The following FBXO34 variants were observed in gnomAD, a reference collection of about 807,000 sequenced individuals.
FBXO34 encodes the protein F-box protein 34, also known as F-box only protein 34.
A neutral mutation model predicts 24.5 loss-of-function variants in FBXO34; 12 were observed. The ratio of observed to expected loss-of-function variants is 0.49; its 90% CI spans 0.31 to 0.79. The LOEUF (loss-of-function observed/expected upper bound fraction) is 0.79. Ranked by LOEUF, FBXO34 falls within the 30% of genes least tolerant of loss-of-function variation. The probability of loss-of-function intolerance (pLI) is 0.04; values close to 1 mark genes in which losing one functional copy is unlikely to be tolerated. For missense variants in FBXO34, 823 were observed against 857.7 expected, an observed-to-expected ratio of 0.96 and a Z score of 0.51; for synonymous variants, 320 against 311.9, an observed-to-expected ratio of 1.03 and a Z score of -0.27.
intron 1 of FBXO34, among the ~76,000 whole-genome samples, chr14:55,280,220 G>T (rs1881485808): frequency 1.3e-5 from 2 of 152,066 alleles, no homozygotes; most frequent in South Asian, 4.1e-4. Context: ...TAAAAAATGG[G>T]AATGGGAGAA....
chr14:55,317,604 G>A (rs1181927395), intron 1 of FBXO34, among the ~76,000 whole-genome samples: 2 of 152,188 alleles, frequency 1.3e-5, no homozygotes, highest in African/African-American at 2.4e-5. Flanking sequence ...GTGAAATACT[G>A]TATAGTAATA....
chr14:55,402,955 ATATATATATATAT>A, the FBXO34 span, among the ~76,000 whole-genome samples: 2,058 of 77,658 alleles, frequency 0.027, 50 homozygotes, highest in Non-Finnish European at 0.042. Context: ...ATATATATAT[ATATATATATATAT>A]AAATAGCTGG....
intron 1 of FBXO34, among the ~76,000 whole-genome samples, chr14:55,280,988 A>AAATATTT (rs1245332641): frequency 6.6e-6 from 1 of 152,186 alleles, no homozygotes; most frequent in Non-Finnish European, 1.5e-5. Flanking sequence ...AACAGGTGAA[A>AAATATTT]AATATTTAAA....
Position 55,330,305 on chromosome 14 carries a change from C to G in FBXO34, c.-10-20076C>G, listed in dbSNP as rs1385350270. On this transcript the variant is annotated intron_variant, in intron 1 of 1. Transcript: ENST00000313833. ...GAATGGTTTGAGCACACACCAGGAT[C>G]AGATTCAGTTTCAAAAAGATCTTTC... Among the ~76,000 whole-genome samples, 3 of 152,142 alleles carry G rather than the reference C, an allele frequency of 2.0e-5. No homozygotes were observed. In the East Asian group the frequency reaches 5.8e-4, roughly 29 times the overall value.
intron 1 of FBXO34, among the ~76,000 whole-genome samples, chr14:55,301,412 G>A (rs1167484125): frequency 6.6e-6 from 1 of 151,688 alleles, no homozygotes; most frequent in African/African-American, 2.4e-5. Context: ...ACTCTAGCCT[G>A]GGTGACAAAG....
rs1026262531 is a variant in FBXO34 at position 55,351,890 on chromosome 14, C to T, written c.1500C>T (p.Ser500=). The change falls in exon 2 of 2, where the codon AGC becomes AGT. Residue 500 remains serine (S), a synonymous_variant. Coordinates refer to ENST00000313833, the MANE Select transcript of FBXO34 (RefSeq NM_017943.4). Reference sequence around the variant, plus strand: ...CAGACTATTCCCAGTTGAATGAAAGCACAACAAAAGAGTCTTCAGAGGCCA... The same window carrying T: ...CAGACTATTCCCAGTTGAATGAAAGTACAACAAAAGAGTCTTCAGAGGCCA... The part of the protein sequence containing the change: ...HLSDYSQLNE[S]TTKESSEASQ... 2.5e-6 allele frequency: 4 copies of T among 1,614,126 alleles called. No individual in the cohort carries two copies. The highest frequency in any genetic ancestry group is 3.4e-6 in the Non-Finnish European group (4 of 1,180,028).
chr14:55,321,846 C>G (rs1242718985), intron 1 of FBXO34, among the ~76,000 whole-genome samples: 1 of 152,218 alleles, frequency 6.6e-6, no homozygotes, highest in African/African-American at 2.4e-5. Flanking sequence ...GTCAAAAATA[C>G]TCATCTTTAG....
the FBXO34 span, among the ~76,000 whole-genome samples, chr14:55,394,393 T>G: frequency 6.6e-6 from 1 of 152,294 alleles, no homozygotes; most frequent in African/African-American, 2.4e-5. Flanking sequence ...TTAATATACA[T>G]ACCCAAAATC....
the FBXO34 span, among the ~76,000 whole-genome samples, chr14:55,390,754 A>C: frequency 1.3e-5 from 2 of 152,168 alleles, no homozygotes; most frequent in African/African-American, 2.4e-5. Flanking sequence ...TCCTTATACA[A>C]ATGTTTTACA....
downstream of FBXO34, chr14:55,369,783 G>A: frequency 6.2e-7 from 1 of 1,614,168 alleles, no homozygotes. Flanking sequence ...CGGGGACTAG[G>A]CAAGTTCTCC....
At chr14:55,285,087 G>C (rs934216442) in intron 1 of FBXO34, 1 of 149,404 alleles carries the variant, frequency 6.7e-6, no homozygotes, top group Non-Finnish European at 1.5e-5. Context: ...TTCAAGAATT[G>C]TTCCGGCCGG....
At chr14:55,390,877 T>C in the FBXO34 span, 2 of 1,456,074 alleles carry the variant, frequency 1.4e-6, no homozygotes, top group East Asian at 2.3e-5. Context: ...ATAGGCACTT[T>C]CTAGGGCTGG....
the FBXO34 span, among the ~76,000 whole-genome samples, chr14:55,379,372 AC>A: frequency 1.3e-5 from 2 of 151,662 alleles, no homozygotes. Context: ...CCTGTCTCAT[AC>A]AAAAAAATAC....
At chr14:55,339,127 T>C (rs548305351) in intron 1 of FBXO34, among the ~76,000 whole-genome samples, 126 of 152,288 alleles carry the variant, frequency 8.3e-4, no homozygotes, top group Non-Finnish European at 1.3e-3. Context: ...TCTAAGGACA[T>C]ACCCTTAAAT....
the FBXO34 span, among the ~76,000 whole-genome samples, chr14:55,399,540 C>T: frequency 6.6e-6 from 1 of 152,206 alleles, no homozygotes; most frequent in Non-Finnish European, 1.5e-5. Context: ...CAAAACAAGG[C>T]ATCCTCCAGA....
At chr14:55,302,689 G>T in intron 1 of FBXO34, among the ~76,000 whole-genome samples, 1 of 151,848 alleles carries the variant, frequency 6.6e-6, no homozygotes. Flanking sequence ...TAGACTCTGT[G>T]GCTAGAGTAG....
the FBXO34 span, among the ~76,000 whole-genome samples, chr14:55,430,615 C>A: frequency 1.3e-5 from 2 of 152,034 alleles, no homozygotes; most frequent in South Asian, 4.1e-4. Flanking sequence ...AGGCTGGGCT[C>A]AAACTCCAGG....
chr14:55,367,323 GTTTA>G (rs1046850476), exon 3 of FBXO34: 2 of 152,184 alleles, frequency 1.3e-5, no homozygotes, highest in Non-Finnish European at 2.9e-5. Flanking sequence ...AGATCGTTAA[GTTTA>G]TTTATCTGTT....
the FBXO34 span, among the ~76,000 whole-genome samples, chr14:55,387,542 A>C: frequency 6.6e-6 from 1 of 152,126 alleles, no homozygotes; most frequent in Non-Finnish European, 1.5e-5. Flanking sequence ...GTCCCACTGA[A>C]GCCTTGCTGT....
Sources: allele counts gnomAD v4.1 joint callset (sites outside exome capture counted in the v4.1 genomes callset), GRCh38; gene constraint gnomAD v4.1.1; transcripts MANE v1.5; gene names NCBI Gene and HGNC (gene_info 2026-07-23, HGNC 2026-07-21).